Variants in CCDC7 observed in about 807,000 individuals in gnomAD.
The protein encoded by CCDC7 is coiled-coil domain-containing protein 7.
Under a neutral mutation model 196.9 loss-of-function variants are expected in CCDC7, and 183 were observed. The ratio of observed to expected loss-of-function variants is 0.93; its 90% CI spans 0.82 to 1.05. CCDC7 has a LOEUF of 1.05. Ranked by LOEUF, CCDC7 falls within the 50% of genes least tolerant of loss-of-function variation. The pLI is 0.00. For missense variants in CCDC7, 1,540 were observed against 1,482.2 expected (o/e 1.04, Z -0.64); for synonymous variants, 525 against 484.6 (o/e 1.08, Z -1.10).
At chr10:32,848,233 G>A (rs2093395493) in intron 38 of CCDC7, among the ~76,000 whole-genome samples, 1 of 152,058 alleles carries the variant, frequency 6.6e-6, no homozygotes, top group Non-Finnish European at 1.5e-5. Context: ...TGGTTCAATT[G>A]GGGCAGGGGG....
intron 28 of CCDC7, among the ~76,000 whole-genome samples, chr10:32,745,217 G>T (rs1565370121): frequency 6.6e-6 from 1 of 152,148 alleles, no homozygotes; most frequent in Non-Finnish European, 1.5e-5. Flanking sequence ...CTTGACTACT[G>T]TAGCTAATAA....
intron 23 of CCDC7, among the ~76,000 whole-genome samples, chr10:32,689,607 C>A (rs944736385): frequency 6.6e-6 from 1 of 152,098 alleles, no homozygotes; most frequent in African/African-American, 2.4e-5. Context: ...TCTAGGGCAT[C>A]CTTTTGGTCA....
chr10:32,809,428 A>G (rs1235106722), intron 30 of CCDC7, among the ~76,000 whole-genome samples: 1 of 152,182 alleles, frequency 6.6e-6, no homozygotes, highest in Non-Finnish European at 1.5e-5. Context: ...CAATTCAATT[A>G]ATAAAACAAA....
At chr10:32,686,212 A>G (rs1251429895) in intron 22 of CCDC7, 132 bp downstream of exon 23, 2 of 517,302 alleles carry the variant, frequency 3.9e-6, no homozygotes, top group African/African-American at 2.0e-5. Flanking sequence ...CCATAAGATA[A>G]CTAGAGAACA....
chr10:32,702,329 T>G (rs1225653825), intron 24 of CCDC7, among the ~76,000 whole-genome samples: 2 of 152,180 alleles, frequency 1.3e-5, no homozygotes, highest in Admixed American at 6.5e-5. Flanking sequence ...GTTGAGCGGT[T>G]TTGAGTGACT....
chr10:32,453,221 C>T, intron 1 of CCDC7, 123 bp from the exon 3 acceptor site: 1 of 694,698 alleles, frequency 1.4e-6, no homozygotes, highest in Non-Finnish European at 2.0e-6. Flanking sequence ...GTTTATGGCA[C>T]TGGAAGAAAT....
intron 28 of CCDC7, among the ~76,000 whole-genome samples, chr10:32,749,208 C>G (rs979949861): frequency 3.9e-5 from 6 of 152,136 alleles, no homozygotes; most frequent in Non-Finnish European, 7.4e-5. Context: ...TATTTTTCAA[C>G]TTGTTCAGCT....
chr10:32,623,620 C>G (rs2063647484), intron 18 of CCDC7: 2 of 446,770 alleles, frequency 4.5e-6, no homozygotes, highest in Non-Finnish European at 9.0e-6. Context: ...AGAACTCTGT[C>G]AGATACTGCT....
chr10:32,467,570 G>A (rs1031781549), intron 5 of CCDC7, among the ~76,000 whole-genome samples: 5 of 151,998 alleles, frequency 3.3e-5, no homozygotes, highest in African/African-American at 1.2e-4. Flanking sequence ...TTTTTTTGCT[G>A]CACAGAAGCT....
rs117169475 is a variant in CCDC7 at position 32,840,841 on chromosome 10, G to A, written c.3353-4402G>A. Among the ~76,000 whole-genome samples, 1,202 of 151,858 alleles carry A rather than the reference G, an allele frequency of 7.9e-3. 7 individuals carry two copies. The highest frequency in any genetic ancestry group is 0.02 in the Middle Eastern group (6 of 294). On this transcript the variant is annotated intron_variant, in intron 33 of 41. Coordinates refer to ENST00000639629, the Ensembl canonical transcript of CCDC7. ...GGTTTCATAACAGGTATGCAGGGAT[G>A]GTTTAACATATGCAAGTCAGTAAAT...
At chr10:32,616,213 A>T (rs1333306067) in intron 18 of CCDC7, among the ~76,000 whole-genome samples, 1 of 151,938 alleles carries the variant, frequency 6.6e-6, no homozygotes, top group Non-Finnish European at 1.5e-5. Context: ...TGATAATTTG[A>T]TAGAGGTTGT....
chr10:32,712,303 A>C (rs2080963896), intron 25 of CCDC7, among the ~76,000 whole-genome samples: 1 of 152,152 alleles, frequency 6.6e-6, no homozygotes, highest in Non-Finnish European at 1.5e-5. Flanking sequence ...TTACTTTTCG[A>C]GTCAGAGCTG....
chr10:32,859,566 AT>A (rs2093892718), intron 41 of CCDC7, among the ~76,000 whole-genome samples: 1 of 152,184 alleles, frequency 6.6e-6, no homozygotes, highest in African/African-American at 2.4e-5. Context: ...AATAACTAAG[AT>A]CAGAGCAGAA....
chr10:32,791,378 A>G (rs374159353), intron 29 of CCDC7, among the ~76,000 whole-genome samples: 3 of 152,164 alleles, frequency 2.0e-5, no homozygotes, highest in African/African-American at 7.2e-5. Flanking sequence ...AGTAACTGAC[A>G]CCAAAGAAAC....
chr10:32,795,827 C>T (rs1195398291), intron 29 of CCDC7, among the ~76,000 whole-genome samples: 1 of 152,150 alleles, frequency 6.6e-6, no homozygotes, highest in Non-Finnish European at 1.5e-5. Flanking sequence ...CAATGCCCTT[C>T]TCAAAGTGGG....
intron 18 of CCDC7, among the ~76,000 whole-genome samples, chr10:32,605,513 C>A (rs1328591261): frequency 1.3e-5 from 2 of 152,168 alleles, no homozygotes; most frequent in African/African-American, 4.8e-5. Flanking sequence ...GACGAAAATG[C>A]TGATGGTGAT....
downstream of CCDC7, among the ~76,000 whole-genome samples, chr10:32,879,433 G>A (rs1356118734): frequency 6.6e-6 from 1 of 152,090 alleles, no homozygotes; most frequent in African/African-American, 2.4e-5. Flanking sequence ...TCGGGGCGAT[G>A]TGCATGTTCT....
intron 9 of CCDC7, among the ~76,000 whole-genome samples, chr10:32,508,622 C>T (rs2045578729): frequency 6.6e-6 from 1 of 151,970 alleles, no homozygotes; most frequent in African/African-American, 2.4e-5. Context: ...AAGCACATTA[C>T]TTTCTTATTT....
chr10:32,511,456 G>A (rs1326819282), intron 9 of CCDC7: 2 of 1,606,148 alleles, frequency 1.2e-6, no homozygotes, highest in African/African-American at 1.3e-5. Context: ...CCTTGACTCT[G>A]TTCATATATA....
Sources: gnomAD v4.1 joint callset for allele counts (sites outside exome capture counted in the v4.1 genomes callset) on GRCh38, gnomAD v4.1.1 for gene constraint, MANE v1.5 for transcripts, NCBI Gene and HGNC (gene_info 2026-07-23, HGNC 2026-07-21) for gene names.